CCDC149: variants seen among roughly 807,000 people sequenced by gnomAD.
The protein encoded by CCDC149 is coiled-coil domain containing 149, also known as coiled-coil domain-containing protein 149.
A neutral mutation model predicts 59.9 loss-of-function variants in CCDC149; 45 were observed. The observed-to-expected ratio is 0.75, with a 90% confidence interval of 0.59 to 0.96. The LOEUF is 0.96. Ranked by LOEUF, CCDC149 falls within the 40% of genes least tolerant of loss-of-function variation. The probability of loss-of-function intolerance (pLI) is 0.00; values close to 1 mark genes in which losing one functional copy is unlikely to be tolerated. For missense variants in CCDC149, 584 were observed against 664.7 expected (o/e 0.88, Z 1.33); for synonymous variants, 245 against 260.6 (o/e 0.94, Z 0.58).
rs962344731 is a variant in CCDC149 at position 24,835,197 on chromosome 4, C to T, written c.736-165G>A. ...CTACGCCCAAGAGTTATAATTTTTA[C>T]GGCCTGGTAAGAAGTTTGTTTGTTT... On this transcript the variant is annotated intron_variant, in intron 7 of 12. Coordinates refer to ENST00000635206, the MANE Select transcript of CCDC149 (RefSeq NM_001330643.2). 1.6e-4 allele frequency among the ~76,000 whole-genome samples: 24 copies of T among 152,282 alleles called. No homozygotes were observed. In the South Asian group the frequency reaches 1.7e-3, roughly 11 times the overall value.
chr4:24,865,511 C>T (rs947489615), intron 3 of CCDC149, among the ~76,000 whole-genome samples: 2 of 152,164 alleles, frequency 1.3e-5, no homozygotes, highest in African/African-American at 4.8e-5. Flanking sequence ...GCTATAGCGA[C>T]AGCTTTCTTA....
intron 1 of CCDC149, among the ~76,000 whole-genome samples, chr4:24,904,990 C>A (rs895323155): frequency 1.3e-5 from 2 of 152,138 alleles, no homozygotes; most frequent in African/African-American, 4.8e-5. Context: ...CAACCTCCGC[C>A]TCCCAGGTTC....
At chr4:24,860,746 C>A (rs1020042546) in intron 3 of CCDC149, among the ~76,000 whole-genome samples, 1 of 151,516 alleles carries the variant, frequency 6.6e-6, no homozygotes, top group Non-Finnish European at 1.5e-5. Flanking sequence ...AGCAAATCTG[C>A]AAGAAAAAAA....
At chr4:24,966,871 C>T (rs985072579) in intron 1 of CCDC149, among the ~76,000 whole-genome samples, 1 of 152,134 alleles carries the variant, frequency 6.6e-6, no homozygotes, top group African/African-American at 2.4e-5. Flanking sequence ...AAACACTGGG[C>T]GACTGGAGGC....
chr4:24,834,806 T>C (rs2109136135), intron 8 of CCDC149, 142 bp downstream of exon 8: 1 of 528,260 alleles, frequency 1.9e-6, no homozygotes, highest in Non-Finnish European at 3.3e-6. Flanking sequence ...GCAACTCTGA[T>C]GCACGTGGAA....
chr4:24,842,260 T>A (rs1716984189), intron 4 of CCDC149, among the ~76,000 whole-genome samples: 1 of 152,186 alleles, frequency 6.6e-6, no homozygotes, highest in Admixed American at 6.5e-5. Context: ...TAGGGACTCT[T>A]GTGATTATTG....
chr4:24,847,188 A>G (rs981921386), intron 4 of CCDC149, among the ~76,000 whole-genome samples: 1 of 152,214 alleles, frequency 6.6e-6, no homozygotes, highest in Non-Finnish European at 1.5e-5. Context: ...ATAGCTGATC[A>G]ATAGAGAGGA....
chr4:24,931,535 G>C (rs1722587268), intron 1 of CCDC149, among the ~76,000 whole-genome samples: 1 of 151,404 alleles, frequency 6.6e-6, no homozygotes, highest in African/African-American at 2.4e-5. Context: ...TGCAACACCT[G>C]GGGTTAGTGA....
In CCDC149 at chr4:24,890,029, C is replaced by T. The variant is rs144701523; in HGVS notation, c.64-13332G>A. Among the ~76,000 whole-genome samples, 25 of 152,142 alleles carry T rather than the reference C, an allele frequency of 1.6e-4. No homozygotes were observed. In the East Asian group the frequency reaches 4.3e-3, roughly 26 times the overall value. On this transcript the variant is annotated intron_variant, in intron 1 of 12. Transcript: ENST00000635206. ...GCAGAACTAGAATTGATTCCTTGACCGTTCTTTAACAAAAGGGAAACTCAG... is the reference window on the plus strand; with the variant it reads ...GCAGAACTAGAATTGATTCCTTGACTGTTCTTTAACAAAAGGGAAACTCAG...
chr4:24,874,596 A>G (rs1390251083), intron 2 of CCDC149, among the ~76,000 whole-genome samples: 2 of 151,994 alleles, frequency 1.3e-5, no homozygotes, highest in Non-Finnish European at 2.9e-5. Context: ...ACACACACAA[A>G]AAAAGGATCC....
chr4:24,863,596 T>C (rs1336252435), intron 3 of CCDC149, among the ~76,000 whole-genome samples: 2 of 152,226 alleles, frequency 1.3e-5, no homozygotes, highest in African/African-American at 4.8e-5. Context: ...TCAAAGCTCA[T>C]CTTGGTTTAA....
intron 1 of CCDC149, among the ~76,000 whole-genome samples, chr4:24,903,785 C>T (rs1040137447): frequency 1.4e-5 from 2 of 145,152 alleles, no homozygotes; most frequent in Non-Finnish European, 3.0e-5. Flanking sequence ...AGTTTTCTGT[C>T]TTTTTAATTT....
chr4:24,975,379 G>A (rs1237208407), intron 1 of CCDC149, among the ~76,000 whole-genome samples: 4 of 134,044 alleles, frequency 3.0e-5, no homozygotes, highest in African/African-American at 1.1e-4. Flanking sequence ...CAGAGAAGAG[G>A]AGGGGATCTT....
chr4:24,944,907 T>C (rs1348681433), intron 1 of CCDC149, among the ~76,000 whole-genome samples: 4 of 152,218 alleles, frequency 2.6e-5, no homozygotes, highest in African/African-American at 9.7e-5. Context: ...AGAGCTCAGG[T>C]GCAGGTTCAT....
intron 3 of CCDC149, among the ~76,000 whole-genome samples, chr4:24,871,246 ATG>A (rs142550811): frequency 6.6e-6 from 1 of 152,076 alleles, no homozygotes; most frequent in Non-Finnish European, 1.5e-5. Flanking sequence ...CTGAGGATAA[ATG>A]TGTGTGTGTT....
At chr4:24,810,726 A>G (rs1259973369) in intron 12 of CCDC149, among the ~76,000 whole-genome samples, 1 of 152,222 alleles carries the variant, frequency 6.6e-6, no homozygotes. Context: ...AGAAATTGAG[A>G]GCAGACATAT....
chr4:24,856,832 T>C (rs1230345133), intron 3 of CCDC149, among the ~76,000 whole-genome samples: 2 of 152,226 alleles, frequency 1.3e-5, no homozygotes, highest in Admixed American at 6.5e-5. Context: ...CATTGATCCT[T>C]TTCCCTGGCA....
chr4:24,946,826 A>G (rs907641833), intron 1 of CCDC149, among the ~76,000 whole-genome samples: 3 of 152,206 alleles, frequency 2.0e-5, no homozygotes, highest in Non-Finnish European at 2.9e-5. Flanking sequence ...TTAACTACAG[A>G]TGCACTTTTA....
At chr4:24,899,584 A>G (rs1398311898) in intron 1 of CCDC149, among the ~76,000 whole-genome samples, 1 of 152,148 alleles carries the variant, frequency 6.6e-6, no homozygotes, top group Non-Finnish European at 1.5e-5. Context: ...TGAAGCTGTG[A>G]ACGGGAGACC....
Sources: allele counts gnomAD v4.1 joint callset (sites outside exome capture counted in the v4.1 genomes callset), GRCh38; gene constraint gnomAD v4.1.1; transcripts MANE v1.5; gene names NCBI Gene and HGNC (gene_info 2026-07-23, HGNC 2026-07-21).